The following MSH3 variants were observed in gnomAD, a reference collection of about 807,000 sequenced individuals.
The protein encoded by MSH3 is mutS homolog 3, also known as DNA mismatch repair protein Msh3.
MSH3 carries 106 observed loss-of-function variants against 123.3 expected under a neutral mutation model. The observed-to-expected ratio is 0.86, with a 90% CI of 0.73 to 1.01. The LOEUF (loss-of-function observed/expected upper bound fraction) is 1.01. Among genes scored for constraint, MSH3 ranks in the 50% least tolerant of loss-of-function variants. The pLI, the probability that MSH3 is intolerant of heterozygous loss-of-function variation, is 0.00. For missense variants in MSH3, 1,459 were observed against 1,347.6 expected (o/e 1.08, Z -1.29); for synonymous variants, 515 against 481.4 (o/e 1.07, Z -0.91).
At chr5:80,861,643 G>A (rs1359601485) in intron 21 of MSH3, among the ~76,000 whole-genome samples, 2 of 152,030 alleles carry the variant, frequency 1.3e-5, no homozygotes, top group African/African-American at 4.8e-5. Flanking sequence ...GGAACTCCTG[G>A]GAGTAAAACT....
At chr5:80,862,815 T>TGGGGG (rs1177769717) in intron 21 of MSH3, among the ~76,000 whole-genome samples, 1 of 152,016 alleles carries the variant, frequency 6.6e-6, no homozygotes, top group Non-Finnish European at 1.5e-5. Context: ...AACTTTAAAA[T>TGGGGG]GGTGGAGGTG....
At chr5:80,721,500 C>T (rs767408554) in intron 8 of MSH3, among the ~76,000 whole-genome samples, 11 of 150,124 alleles carry the variant, frequency 7.3e-5, no homozygotes, top group Admixed American at 5.3e-4. Flanking sequence ...GTGAGTACCT[C>T]GTTGCTGTTT....
At chr5:80,686,071 T>G (rs1027227495) in intron 8 of MSH3, among the ~76,000 whole-genome samples, 1 of 152,224 alleles carries the variant, frequency 6.6e-6, no homozygotes, top group African/African-American at 2.4e-5. Context: ...ACCTAACATA[T>G]GATCTAATCT....
chr5:80,826,839 GC>G (rs201357319), intron 20 of MSH3, among the ~76,000 whole-genome samples: 3 of 75,056 alleles, frequency 4.0e-5, no homozygotes, highest in South Asian at 6.0e-4. Context: ...GTGAGCCACC[GC>G]GCCCGGCCTC....
intron 17 of MSH3, among the ~76,000 whole-genome samples, chr5:80,784,270 A>G (rs1744465438): frequency 6.7e-6 from 1 of 150,278 alleles, no homozygotes; most frequent in Admixed American, 6.7e-5. Flanking sequence ...AATAAAGTCG[A>G]AGCCAGAGCA....
chr5:80,758,370 G>C (rs1375405500), intron 12 of MSH3, among the ~76,000 whole-genome samples: 1 of 152,154 alleles, frequency 6.6e-6, no homozygotes, highest in Non-Finnish European at 1.5e-5. Flanking sequence ...GATGTAGCAG[G>C]TACTGTGTTA....
rs144255887 is a variant in MSH3 at position 80,702,978 on chromosome 5, C to T, written c.1341-22475C>T. On this transcript the variant is annotated intron_variant, in intron 8 of 23. Coordinates refer to ENST00000265081, the MANE Select transcript of MSH3 (RefSeq NM_002439.5). ...AGTGAGCCGAGATCATGCCACTGCA[C>T]TCCTCCCTGGGCGACAGAGCGAGAC... 5.7e-3 allele frequency among the ~76,000 whole-genome samples: 873 copies of T among 152,296 alleles called. 12 individuals are homozygous for T. The highest frequency in any genetic ancestry group is 0.02 in the African/African-American group (827 of 41,542).
rs1006540185 is a variant in MSH3 at position 80,821,979 on chromosome 5, T to C, written c.2813+8238T>C. On this transcript the variant is annotated intron_variant, in intron 20 of 23. Transcript: ENST00000265081. ...ATCTGTGAAACCAGTGGTATTAGGG[T>C]AACCTGTTAGCTTTTAAGCAGAGTA... Among the ~76,000 whole-genome samples, 3 of 152,230 alleles carry C rather than the reference T, an allele frequency of 2.0e-5. No individual in the cohort carries two copies. The East Asian group carries it at 5.8e-4, about 29-fold the overall frequency.
chr5:80,732,613 A>G (rs1271829269), intron 10 of MSH3, among the ~76,000 whole-genome samples: 2 of 152,172 alleles, frequency 1.3e-5, no homozygotes, highest in African/African-American at 4.8e-5. Context: ...ACTACAGACC[A>G]GTATCTTTTG....
chr5:80,701,918 T>C (rs1202698224), intron 8 of MSH3, among the ~76,000 whole-genome samples: 2 of 152,098 alleles, frequency 1.3e-5, no homozygotes, highest in Non-Finnish European at 2.9e-5. Context: ...TCTTGATCCC[T>C]AAAGCAGTAA....
At chr5:80,698,194 C>T (rs977033571) in intron 8 of MSH3, among the ~76,000 whole-genome samples, 6 of 152,128 alleles carry the variant, frequency 3.9e-5, no homozygotes, top group Non-Finnish European at 8.8e-5. Flanking sequence ...TGGACCATTG[C>T]GCCTGGCCAA....
In MSH3 at chr5:80,778,711, C is replaced by T. The variant is rs767211203; in HGVS notation, c.2319-9C>T. ...TGATTTCCTATTTGTGTTCTTTCCC[C>T]TCTTCTAGCACAAAAGCTGTGAGCC... On this transcript the variant is annotated splice_polypyrimidine_tract_variant and intron_variant, in intron 16 of 23. Coordinates refer to ENST00000265081, the MANE Select transcript of MSH3 (RefSeq NM_002439.5). 3.3e-6 allele frequency: 5 copies of T among 1,516,742 alleles called. No homozygotes were observed. The African/African-American group carries it at 4.1e-5, about 12-fold the overall frequency. The allele number at this position is 1,516,742 out of a possible 1,614,324, so 94.0% of individuals were successfully genotyped here.
At chr5:80,777,297 A>G (rs1420189500) in intron 16 of MSH3, among the ~76,000 whole-genome samples, 1 of 148,494 alleles carries the variant, frequency 6.7e-6, no homozygotes, top group East Asian at 2.0e-4. Context: ...TTTTTTTTTA[A>G]TGCTACCAGA....
At chr5:80,856,864 A>G (rs1404073401) in intron 21 of MSH3, among the ~76,000 whole-genome samples, 1 of 140,436 alleles carries the variant, frequency 7.1e-6, no homozygotes, top group African/African-American at 2.7e-5. Context: ...ACAAACAGAC[A>G]GTTTCACTTC....
chr5:80,818,988 G>A (rs1046862096), intron 20 of MSH3, among the ~76,000 whole-genome samples: 1 of 152,112 alleles, frequency 6.6e-6, no homozygotes, highest in Non-Finnish European at 1.5e-5. Flanking sequence ...TCAGTGCATT[G>A]AATTGCAATT....
intron 15 of MSH3, among the ~76,000 whole-genome samples, chr5:80,772,672 G>A (rs961229391): frequency 2.6e-5 from 4 of 152,084 alleles, no homozygotes; most frequent in African/African-American, 9.7e-5. Flanking sequence ...TTCTATGTTA[G>A]TTTTCTTTTC....
rs772522721 is a variant in MSH3, at chr5:80,792,835, A to G, written c.2646A>G (p.Thr882=). ...GEQDQYVPNN[T]DLSEDSERVM... ...AGGATCAATATGTCCCAAATAATAC[A>G]GATTTATCAGTAAGTACCTTATGCC... Residue 882 remains threonine, a synonymous_variant, in exon 19 of 24, where the codon ACA becomes ACG. Coordinates refer to ENST00000265081, the MANE Select transcript of MSH3 (RefSeq NM_002439.5). 1.2e-6 allele frequency: 2 copies of G among 1,601,832 alleles called. No homozygotes were observed. The highest frequency in any genetic ancestry group is 2.2e-5 in the South Asian group (2 of 90,750).
At chr5:80,666,130 G>A (rs1385216163) in intron 3 of MSH3, among the ~76,000 whole-genome samples, 1 of 152,138 alleles carries the variant, frequency 6.6e-6, no homozygotes, top group Admixed American at 6.6e-5. Context: ...TGCGATTATA[G>A]TTCACTGTAG....
chr5:80,706,019 C>T (rs1158838735), intron 8 of MSH3, among the ~76,000 whole-genome samples: 2 of 152,172 alleles, frequency 1.3e-5, no homozygotes, highest in Non-Finnish European at 2.9e-5. Flanking sequence ...CCGTTTGTGC[C>T]TGTGGTAGTT....
Sources: gnomAD v4.1 joint callset for allele counts (sites outside exome capture counted in the v4.1 genomes callset) on GRCh38, gnomAD v4.1.1 for gene constraint, MANE v1.5 for transcripts, NCBI Gene and HGNC (gene_info 2026-07-23, HGNC 2026-07-21) for gene names.